ITGB6: variants seen among roughly 807,000 people sequenced by gnomAD.
ITGB6 encodes the protein integrin subunit beta 6.
A neutral mutation model predicts 84.5 loss-of-function variants in ITGB6; 80 were observed. The ratio of observed to expected loss-of-function variants is 0.95; its 90% CI spans 0.79 to 1.14. The LOEUF is 1.14. Ranked by LOEUF, ITGB6 falls within the 50% of genes most tolerant of loss-of-function variation. The pLI, the probability that ITGB6 is intolerant of heterozygous loss-of-function variation, is 0.00. For synonymous variants in ITGB6, 383 were observed against 354.9 expected, an observed-to-expected ratio of 1.08 and a Z score of -0.89; for missense variants, 1,006 against 968.0, an observed-to-expected ratio of 1.04 and a Z score of -0.52.
intron 7 of ITGB6, among the ~76,000 whole-genome samples, chr2:160,148,538 G>C (rs1293310138): frequency 6.6e-6 from 1 of 152,228 alleles, no homozygotes; most frequent in Non-Finnish European, 1.5e-5. Flanking sequence ...GATCGACGCA[G>C]AAGATGGGTG....
chr2:160,138,003 G>A (rs1683827388), intron 9 of ITGB6, 62 bp downstream of exon 9: 11 of 1,545,184 alleles, frequency 7.1e-6, no homozygotes, highest in Non-Finnish European at 8.7e-6. Flanking sequence ...GCTTCAGTGA[G>A]CTCAGCTAAT....
chr2:160,170,410 ATAT>A (rs952118481), intron 6 of ITGB6, among the ~76,000 whole-genome samples: 2 of 152,168 alleles, frequency 1.3e-5, no homozygotes, highest in African/African-American at 2.4e-5. Context: ...GAGATACCAA[ATAT>A]TATCCATTTC....
chr2:160,189,892 G>GACACATGC (rs1168673570), intron 4 of ITGB6, among the ~76,000 whole-genome samples: 1 of 152,128 alleles, frequency 6.6e-6, no homozygotes, highest in Non-Finnish European at 1.5e-5. Context: ...CTGCTATAAA[G>GACACATGC]ACACATGCAC....
chr2:160,186,838 A>G (rs1240518792), intron 4 of ITGB6, among the ~76,000 whole-genome samples: 2 of 152,186 alleles, frequency 1.3e-5, no homozygotes, highest in African/African-American at 4.8e-5. Flanking sequence ...AGCTCAAACC[A>G]TCATACTCAG....
rs374485087 is a variant in ITGB6 at position 160,105,261 on chromosome 2, G to C, written c.2268+2418C>G. ...ATTTATGCTTTTTTTTCTGTTTAAT[G>C]CATGTTCGGGTCGCATGTTAGATGA... On this transcript the variant is annotated intron_variant, in intron 14 of 14. Transcript: ENST00000283249. Among the ~76,000 whole-genome samples, 10 of 152,104 alleles carry C rather than the reference G, an allele frequency of 6.6e-5. No individual in the cohort carries two copies. The South Asian group carries it at 2.1e-3, about 32-fold the overall frequency.
chr2:160,121,855 C>T (rs10929971), intron 12 of ITGB6, among the ~76,000 whole-genome samples: 99,644 of 148,740 alleles, frequency 0.67, 33,750 homozygotes, highest in Admixed American at 0.74. Flanking sequence ...CACAGCATAA[C>T]TGAGGAACAA....
At chr2:160,166,205 A>G (rs748930446) in intron 7 of ITGB6, among the ~76,000 whole-genome samples, 2 of 152,226 alleles carry the variant, frequency 1.3e-5, no homozygotes, top group Non-Finnish European at 1.5e-5. Flanking sequence ...CTAACAGCCA[A>G]GAGATATTAA....
At chr2:160,102,415 C>T (rs1042220505) in intron 14 of ITGB6, among the ~76,000 whole-genome samples, 38 of 152,224 alleles carry the variant, frequency 2.5e-4, no homozygotes, top group African/African-American at 8.7e-4. Context: ...ATCCTCTGGA[C>T]AGCTAACACT....
intron 10 of ITGB6, among the ~76,000 whole-genome samples, chr2:160,129,168 A>G (rs1453383138): frequency 6.6e-6 from 1 of 152,132 alleles, no homozygotes; most frequent in Non-Finnish European, 1.5e-5. Flanking sequence ...CTTTTGCTGT[A>G]GACAAGTAGC....
chr2:160,118,998 G>A (rs1438099962), intron 12 of ITGB6, among the ~76,000 whole-genome samples: 4 of 152,080 alleles, frequency 2.6e-5, no homozygotes, highest in Non-Finnish European at 4.4e-5. Context: ...ACAAACCACT[G>A]CTCAATGAAA....
intron 4 of ITGB6, among the ~76,000 whole-genome samples, chr2:160,190,867 T>C (rs531587589): frequency 1.3e-5 from 2 of 152,322 alleles, no homozygotes; most frequent in African/African-American, 4.8e-5. Flanking sequence ...ATGGTTATTA[T>C]TGTACTACAT....
chr2:160,114,994 T>C (rs936368697), intron 12 of ITGB6, among the ~76,000 whole-genome samples: 3 of 152,142 alleles, frequency 2.0e-5, no homozygotes, highest in African/African-American at 4.8e-5. Context: ...ACAAAGCAGC[T>C]GGGAAGCTCA....
intron 12 of ITGB6, among the ~76,000 whole-genome samples, chr2:160,114,920 C>G (rs1277025326): frequency 2.0e-5 from 3 of 151,778 alleles, no homozygotes; most frequent in Non-Finnish European, 4.4e-5. Context: ...CCGCCTTGTA[C>G]ACTGCTAGGC....
At chr2:160,120,185 A>C (rs1682969614) in intron 12 of ITGB6, among the ~76,000 whole-genome samples, 2 of 152,122 alleles carry the variant, frequency 1.3e-5, no homozygotes, top group Admixed American at 1.3e-4. Flanking sequence ...CCAAAGGATT[A>C]GAAACCATGT....
At chr2:160,146,404 C>G (rs925108041) in intron 7 of ITGB6, among the ~76,000 whole-genome samples, 1 of 152,112 alleles carries the variant, frequency 6.6e-6, no homozygotes, top group African/African-American at 2.4e-5. Context: ...TAATGTGTCA[C>G]TAATGTTACT....
intron 4 of ITGB6, among the ~76,000 whole-genome samples, chr2:160,180,160 T>TGTATCTTA (rs1685608392): frequency 6.6e-6 from 1 of 151,522 alleles, no homozygotes; most frequent in Non-Finnish European, 1.5e-5. Context: ...AGAATGTTGC[T>TGTATCTTA]GTATCTTAGA....
chr2:160,141,206 A>G (rs1683987333), intron 8 of ITGB6, among the ~76,000 whole-genome samples: 1 of 151,932 alleles, frequency 6.6e-6, no homozygotes, highest in African/African-American at 2.4e-5. Context: ...TTCCTATCCT[A>G]ATTTAGGGCT....
intron 7 of ITGB6, among the ~76,000 whole-genome samples, chr2:160,142,559 G>A (rs1684039365): frequency 6.6e-6 from 1 of 152,236 alleles, no homozygotes; most frequent in Non-Finnish European, 1.5e-5. Flanking sequence ...GAGAAAGAGA[G>A]TGAATTATTG....
At chr2:160,124,065 T>A (rs1280497355) in intron 11 of ITGB6, among the ~76,000 whole-genome samples, 177 bp from the exon 12 acceptor site, 1 of 152,272 alleles carries the variant, frequency 6.6e-6, no homozygotes, top group Non-Finnish European at 1.5e-5. Context: ...CACTGAATTA[T>A]TCTGAGTTCC....
Sources: gnomAD v4.1 joint callset for allele counts (sites outside exome capture counted in the v4.1 genomes callset) on GRCh38, gnomAD v4.1.1 for gene constraint, MANE v1.5 for transcripts, NCBI Gene and HGNC (gene_info 2026-07-23, HGNC 2026-07-21) for gene names.